SPATC1: variants seen among roughly 807,000 people sequenced by gnomAD.
SPATC1 encodes speriolin.
A neutral mutation model predicts 36.5 loss-of-function variants in SPATC1; 35 were observed. The ratio of observed to expected loss-of-function variants is 0.96; its 90% CI spans 0.73 to 1.27. SPATC1 has a LOEUF of 1.27. Among genes scored for constraint, SPATC1 ranks in the 50% most tolerant of loss-of-function variants. The probability of loss-of-function intolerance (pLI) is 0.00; values close to 1 mark genes in which losing one functional copy is unlikely to be tolerated. For missense variants in SPATC1, 779 were observed against 796.0 expected, an observed-to-expected ratio of 0.98 and a Z score of 0.26; for synonymous variants, 361 against 353.6, an observed-to-expected ratio of 1.02 and a Z score of -0.24.
At chr8:144,028,148 A>G (rs1461509099) in intron 1 of SPATC1, among the ~76,000 whole-genome samples, 3 of 152,214 alleles carry the variant, frequency 2.0e-5, no homozygotes, top group Non-Finnish European at 4.4e-5. Context: ...GGCACAGGCA[A>G]AAGATTTCAT....
rs1251699878 is a variant in SPATC1 at position 144,047,024 on chromosome 8, C to T, written c.*68C>T. ...TGTGCACGGCCATTAAAGCTTCCCA[C>T]AGACACTGGTCGCTGGGCCTGTGCC... On this transcript the variant is annotated 3_prime_UTR_variant, in exon 5 of 5. Coordinates refer to ENST00000377470, the MANE Select transcript of SPATC1 (RefSeq NM_198572.3). This position sits in a 1 kb window ranked among gnomAD's most constrained non-coding sequence, Gnocchi z 4.1. The T allele has an allele frequency of 2.6e-6, 4 of 1,520,510 alleles. No homozygotes were observed. Among genetic ancestry groups the T allele is most frequent in the Non-Finnish European group, 3.5e-6 (4 of 1,133,528 alleles). 94.2% of individuals were successfully genotyped at this position (1,520,510 alleles called of 1,614,324 possible).
Position 144,012,396 on chromosome 8 carries a change from C to T in SPATC1, c.-120C>T. 1 of 791,072 alleles carries T rather than the reference C, an allele frequency of 1.3e-6. No individual in the cohort carries two copies. The highest frequency in any genetic ancestry group is 1.7e-5 in the South Asian group (1 of 58,766). The allele number at this position is 791,072 out of a possible 1,614,324, so 49.0% of individuals were successfully genotyped here. On this transcript the variant is annotated 5_prime_UTR_variant, in exon 1 of 5. Coordinates refer to ENST00000377470, the MANE Select transcript of SPATC1 (RefSeq NM_198572.3). ...CCTCTGACCTCACAATACCCAGGGCCCACTGGGCCAGCCTTGCAGACTCTG... is the reference window on the plus strand; with the variant it reads ...CCTCTGACCTCACAATACCCAGGGCTCACTGGGCCAGCCTTGCAGACTCTG...
At chr8:144,018,708 A>G (rs1834440649) in intron 1 of SPATC1, among the ~76,000 whole-genome samples, 1 of 151,848 alleles carries the variant, frequency 6.6e-6, no homozygotes, top group Admixed American at 6.6e-5. Context: ...CTCTGAGAGC[A>G]AGGATGGAGC....
At chr8:144,027,470 G>GT (rs1834708533) in intron 1 of SPATC1, among the ~76,000 whole-genome samples, 1 of 152,062 alleles carries the variant, frequency 6.6e-6, no homozygotes. Context: ...TTTATCTATT[G>GT]TTTCGCTTGT....
intron 1 of SPATC1, among the ~76,000 whole-genome samples, chr8:144,021,024 A>C: frequency 7.1e-5 from 3 of 42,374 alleles, no homozygotes; most frequent in Admixed American, 6.3e-4. Context: ...TTCCCTGAAA[A>C]CCTTCCCCCA....
intron 1 of SPATC1, among the ~76,000 whole-genome samples, chr8:144,015,364 T>C (rs1462155459): frequency 6.6e-6 from 1 of 151,496 alleles, no homozygotes; most frequent in Non-Finnish European, 1.5e-5. Flanking sequence ...GGAGCAGTAC[T>C]GTAAAAAGAA....
Position 144,040,096 on chromosome 8 carries a change from G to C in SPATC1, c.399G>C (p.Gln133His), listed in dbSNP as rs781796980. The C allele has an allele frequency of 2.0e-5, 33 of 1,611,734 alleles. No individual in the cohort carries two copies. The East Asian group carries it at 6.2e-4, about 30-fold the overall frequency. Residue 133 changes from glutamine (Q) to histidine (H), a missense_variant, in exon 2 of 5, where the codon CAG becomes CAC. Gln to His is a conservative substitution (Grantham distance 24, BLOSUM62 0). Transcript: ENST00000377470. ...TGTCTGGCCCAGCACCCACGTCACAGAGCAGCCCCCTCACCAGCTTCCTGA... is the reference window on the plus strand; with the variant it reads ...TGTCTGGCCCAGCACCCACGTCACACAGCAGCCCCCTCACCAGCTTCCTGA... ...TLLSGPAPTS[Q>H]SSPLTSFLTS...
Position 144,040,342 on chromosome 8 carries a change from C to T in SPATC1, c.645C>T (p.Ala215=). ...CAGGGGTCTCTCAGAACCTGCTGGC[C>T]AACCCCATGAGCAACCTGGTCCTGC... The part of the protein sequence containing the change: ...TPPGVSQNLL[A]NPMSNLVLPE... Residue 215 remains alanine (A), a synonymous_variant, in exon 2 of 5, where the codon GCC becomes GCT. Transcript: ENST00000377470. 1 of 1,612,738 alleles carries T rather than the reference C, an allele frequency of 6.2e-7. No individual in the cohort carries two copies. The highest frequency in any genetic ancestry group is 1.1e-5 in the South Asian group (1 of 91,086).
In SPATC1 at chr8:144,040,172, C is replaced by T. The variant is rs781990521; in HGVS notation, c.475C>T (p.Leu159=). The T allele has an allele frequency of 1.2e-5, 19 of 1,610,526 alleles. No individual in the cohort carries two copies. Among genetic ancestry groups the T allele is most frequent in the African/African-American group, 5.3e-5 (4 of 74,868 alleles). The stretch of plus-strand genomic sequence containing the variant: ...AGGCACACTGGCCAGTTCCCTGGGC[C>T]TGCCCTCCACTGGCACCCTGACTCC... ...LTGTLASSLG[L]PSTGTLTPSS... is the part of the protein sequence containing the mutation. The change falls in exon 2 of 5, where the codon CTG becomes TTG. Residue 159 remains leucine, a synonymous_variant. Transcript: ENST00000377470.
chr8:144,043,424 G>A (rs1195462593), intron 4 of SPATC1, among the ~76,000 whole-genome samples: 1 of 152,080 alleles, frequency 6.6e-6, no homozygotes, highest in South Asian at 2.1e-4. Flanking sequence ...TCGAATTACA[G>A]GCACACACCA....
intron 1 of SPATC1, among the ~76,000 whole-genome samples, chr8:144,020,490 T>C (rs1446775896): frequency 7.9e-6 from 1 of 126,920 alleles, no homozygotes; most frequent in African/African-American, 3.5e-5. Flanking sequence ...CTCTCTTCTC[T>C]GAGGAACCCC....
chr8:144,040,080 C>T lies in SPATC1; in HGVS notation c.383C>T (p.Pro128Leu), dbSNP rs781929966. 2.5e-6 allele frequency: 4 copies of T among 1,612,478 alleles called. No homozygotes were observed. In the South Asian group the frequency reaches 3.3e-5, roughly 13 times the overall value. ...ACCCTCAGCACGCTGCTGTCTGGCC[C>T]AGCACCCACGTCACAGAGCAGCCCC... ...TGTLSTLLSG[P>L]APTSQSSPLT... Residue 128 changes from proline to leucine, a missense_variant, in exon 2 of 5, where the codon CCA (proline) becomes CTA (leucine). Transcript: ENST00000377470.
In SPATC1 at chr8:144,016,361, C is replaced by CTGTG. The variant is rs1176124590; in HGVS notation, c.211+3646_211+3649dup. 2.7e-5 allele frequency among the ~76,000 whole-genome samples: 4 copies of CTGTG among 150,526 alleles called. No homozygotes were observed. The highest frequency in any genetic ancestry group is 6.6e-5 in the Admixed American group (1 of 15,076). On this transcript the variant is annotated intron_variant, in intron 1 of 4. Transcript: ENST00000377470. The surrounding 1 kb of genome is among the most constrained non-coding windows in gnomAD (Gnocchi z 4.5). ...TATGGCTCTGTGTGTGTGTGAGTTG[C>CTGTG]TGTGTGTGTGTGTGAATGTATGTGA...
At chr8:144,014,408 A>G (rs1335664978) in intron 1 of SPATC1, among the ~76,000 whole-genome samples, 6 of 150,222 alleles carry the variant, frequency 4.0e-5, no homozygotes, top group East Asian at 2.0e-4. Flanking sequence ...CAAGAAGAAG[A>G]AGGAGGAGGA....
chr8:144,016,862 C>T lies in SPATC1; in HGVS notation c.211+4136C>T, dbSNP rs1305634090. Among the ~76,000 whole-genome samples the T allele has an allele frequency of 2.0e-5, 3 of 152,322 alleles. No homozygotes were observed. Among genetic ancestry groups the T allele is most frequent in the Admixed American group, 2.0e-4 (3 of 15,308 alleles). ...ATGTTGGTCTCATGTCGGCCTCAAA[C>T]TCCCGACTTCAGGTGATCCGCCCAC... On this transcript the variant is annotated intron_variant, in intron 1 of 4. Transcript: ENST00000377470. This position sits in a 1 kb window ranked among gnomAD's most constrained non-coding sequence, Gnocchi z 4.5.
At chr8:144,041,651 T>C (rs1835104715) in intron 4 of SPATC1, among the ~76,000 whole-genome samples, 1 of 152,188 alleles carries the variant, frequency 6.6e-6, no homozygotes, top group African/African-American at 2.4e-5. Flanking sequence ...ACTTGGAGGA[T>C]GATGCTTTGC....
In SPATC1 at chr8:144,016,657, C is replaced by T. The variant is rs1188573155; in HGVS notation, c.211+3931C>T. 3.3e-5 allele frequency among the ~76,000 whole-genome samples: 5 copies of T among 151,944 alleles called. No individual in the cohort carries two copies. Among genetic ancestry groups the T allele is most frequent in the African/African-American group, 9.7e-5 (4 of 41,360 alleles). On this transcript the variant is annotated intron_variant, in intron 1 of 4. Coordinates refer to ENST00000377470, the MANE Select transcript of SPATC1 (RefSeq NM_198572.3). The surrounding 1 kb of genome is among the most constrained non-coding windows in gnomAD (Gnocchi z 4.5). Reference sequence around the variant, plus strand: ...TTTGTTTGTTTTTGAGACAGAGTGTCGAAGTTTCACTCTTGTTGCCCAGGC... The same window carrying T: ...TTTGTTTGTTTTTGAGACAGAGTGTTGAAGTTTCACTCTTGTTGCCCAGGC...
At chr8:144,018,265 G>A (rs928094834) in intron 1 of SPATC1, among the ~76,000 whole-genome samples, 6,256 of 152,276 alleles carry the variant, frequency 0.041, 140 homozygotes, top group Non-Finnish European at 0.053. Context: ...ATTGGCATTC[G>A]TGACCTTGGT....
chr8:144,029,130 G>A (rs1266938001), intron 1 of SPATC1, among the ~76,000 whole-genome samples: 1 of 137,644 alleles, frequency 7.3e-6, no homozygotes, highest in Non-Finnish European at 1.5e-5. Flanking sequence ...GTGTTGATAG[G>A]TACAGCAAAC....
Sources: gnomAD v4.1 joint callset for allele counts (sites outside exome capture counted in the v4.1 genomes callset) on GRCh38, gnomAD v4.1.1 for gene constraint, Gnocchi (gnomAD v3.1) non-coding constraint, MANE v1.5 for transcripts, NCBI Gene and HGNC (gene_info 2026-07-23, HGNC 2026-07-21) for gene names.